BEND4: variants seen among roughly 807,000 people sequenced by gnomAD.
BEND4 encodes BEN domain-containing protein 4.
BEND4 carries 27 observed loss-of-function variants against 54.7 expected under a neutral mutation model. The ratio of observed to expected loss-of-function variants is 0.49; its 90% CI spans 0.36 to 0.68. BEND4 has a LOEUF of 0.68. BEND4 is among the 30% of genes least tolerant of loss of function. The probability of loss-of-function intolerance (pLI) is 0.00; values close to 1 mark genes in which losing one functional copy is unlikely to be tolerated. For synonymous variants in BEND4, 327 were observed against 299.5 expected, an observed-to-expected ratio of 1.09 and a Z score of -0.95; for missense variants, 702 against 697.2, an observed-to-expected ratio of 1.01 and a Z score of -0.08.
chr4:42,134,366 C>T (rs1263992865), intron 3 of BEND4, among the ~76,000 whole-genome samples: 6 of 152,114 alleles, frequency 3.9e-5, no homozygotes, highest in Non-Finnish European at 7.4e-5. Context: ...CTTTACGTGC[C>T]CTATTCACAT....
Position 42,152,184 on chromosome 4 carries a change from CCGCCGGG to C in BEND4, c.-48_-42del. ...CGGTCCCTCGGAGCACGTCCCCTCC[CCGCCGGG>C]CGCCGGGCTCCGAGGGTGCCTCCGC... is the stretch of plus-strand genomic sequence containing the variant. On this transcript the variant is annotated 5_prime_UTR_variant, in exon 2 of 6. Transcript: ENST00000502486. The C allele has an allele frequency of 1.6e-6, 2 of 1,236,592 alleles. No homozygotes were observed. The highest frequency in any genetic ancestry group is 2.0e-6 in the Non-Finnish European group (2 of 982,712). 76.6% of individuals were successfully genotyped at this position (1,236,592 alleles called of 1,614,324 possible).
rs1351095619 is a variant in BEND4, at chr4:42,112,332, AC to A, written c.*5185del. 1.3e-5 allele frequency: 2 copies of A among 152,132 alleles called. No homozygotes were observed. The highest frequency in any genetic ancestry group is 2.9e-5 in the Non-Finnish European group (2 of 68,026). The allele number at this position is 152,132 out of a possible 1,614,324, so 9.4% of individuals were successfully genotyped here. ...TTATCCAAGTAACTGTCACACAATA[AC>A]TCAATAGATAGATATTAACTATAGT... On this transcript the variant is annotated 3_prime_UTR_variant, in exon 6 of 6. Transcript: ENST00000502486.
chr4:42,152,151 C>T lies in BEND4; in HGVS notation c.-8G>A. 8.1e-7 allele frequency: 1 copy of T among 1,242,154 alleles called. No homozygotes were observed. The allele number at this position is 1,242,154 out of a possible 1,614,324, so 76.9% of individuals were successfully genotyped here. On this transcript the variant is annotated 5_prime_UTR_variant, in exon 2 of 6. Transcript: ENST00000502486. The stretch of plus-strand genomic sequence containing the variant: ...CTGCATCTCTTCCTCCATCCGGCGC[C>T]TCGGGGCCGGTCCCTCGGAGCACGT...
At chr4:42,142,934 G>T (rs1200940165) in intron 3 of BEND4, among the ~76,000 whole-genome samples, 1 of 152,134 alleles carries the variant, frequency 6.6e-6, no homozygotes, top group East Asian at 1.9e-4. Flanking sequence ...CATTTCATTT[G>T]TTCAGTACTA....
chr4:42,148,919 T>G (rs1005190938), intron 2 of BEND4, among the ~76,000 whole-genome samples: 1 of 152,194 alleles, frequency 6.6e-6, no homozygotes. Flanking sequence ...TTAAGGAAAA[T>G]TATACTCTTC....
intron 3 of BEND4, among the ~76,000 whole-genome samples, chr4:42,129,885 A>G (rs1408975954): frequency 6.6e-6 from 1 of 152,244 alleles, no homozygotes; most frequent in African/African-American, 2.4e-5. Flanking sequence ...CAATTGCCAC[A>G]AAAGCAAAAA....
intron 4 of BEND4, among the ~76,000 whole-genome samples, chr4:42,123,382 T>C (rs115015913): frequency 2.0e-5 from 3 of 152,246 alleles, no homozygotes; most frequent in African/African-American, 7.2e-5. Context: ...TTATTAAACA[T>C]TGACCTATTG....
chr4:42,140,973 G>C (rs527525706), intron 3 of BEND4, among the ~76,000 whole-genome samples: 3 of 152,308 alleles, frequency 2.0e-5, no homozygotes, highest in East Asian at 1.9e-4. Context: ...ACCCCTATGA[G>C]ATAAACCCAC....
At chr4:42,146,896 G>A (rs1721098948) in intron 2 of BEND4, among the ~76,000 whole-genome samples, 1 of 152,208 alleles carries the variant, frequency 6.6e-6, no homozygotes, top group Non-Finnish European at 1.5e-5. Context: ...TAATCACATT[G>A]ATAAATCACA....
Position 42,152,285 on chromosome 4 carries a change from C to A in BEND4, c.-142G>T. 1.2e-6 allele frequency: 1 copy of A among 827,718 alleles called. No individual in the cohort carries two copies. Among genetic ancestry groups the A allele is most frequent in the South Asian group, 5.9e-5 (1 of 16,992 alleles). 51.3% of individuals were successfully genotyped at this position (827,718 alleles called of 1,614,324 possible). On this transcript the variant is annotated 5_prime_UTR_variant, in exon 2 of 6. Transcript: ENST00000502486. The stretch of plus-strand genomic sequence containing the variant: ...TGTGTGTCTGTGCCGTGGCCGCCGC[C>A]GCCGCCGCCTGTCGCTGAGGCTGGC...
In BEND4 at chr4:42,151,844, C is replaced by T; in HGVS notation, c.300G>A (p.Ser100=). Residue 100 remains serine, a synonymous_variant, in exon 2 of 6, where the codon TCG becomes TCA. Coordinates refer to ENST00000502486, the MANE Select transcript of BEND4 (RefSeq NM_207406.4). ...ATGTGGCGGGCGTGCAGGACGGCGA[C>T]GACGACGAAGCGGCGGCGGCGGCCC... is the stretch of plus-strand genomic sequence containing the variant. The part of the protein sequence containing the change: ...PGRAAAAASS[S]SPSCTPATSQ... 7.5e-7 allele frequency: 1 copy of T among 1,337,072 alleles called. No homozygotes were observed. Among genetic ancestry groups the T allele is most frequent in the Non-Finnish European group, 9.5e-7 (1 of 1,053,712 alleles). The allele number at this position is 1,337,072 out of a possible 1,614,324, so 82.8% of individuals were successfully genotyped here. A position where few individuals can be genotyped will look rare whatever the true frequency, so the allele number is the denominator to read the frequency against.
At chr4:42,129,053 T>G (rs1414899502) in intron 3 of BEND4, among the ~76,000 whole-genome samples, 1 of 152,234 alleles carries the variant, frequency 6.6e-6, no homozygotes, top group African/African-American at 2.4e-5. Flanking sequence ...CCCAAAAGCT[T>G]CTTAAGCTGA....
chr4:42,120,323 C>G (rs374675693), intron 4 of BEND4, 29 bp from the exon 5 acceptor site: 31 of 1,585,690 alleles, frequency 2.0e-5, no homozygotes, highest in Non-Finnish European at 2.7e-5. Flanking sequence ...TTCTCATTAC[C>G]CACCGAGCCA....
chr4:42,139,732 C>G (rs1720820548), intron 3 of BEND4, among the ~76,000 whole-genome samples: 1 of 152,120 alleles, frequency 6.6e-6, no homozygotes, highest in African/African-American at 2.4e-5. Context: ...GCGTTGCGTT[C>G]TCCTTTGTAT....
At chr4:42,123,604 A>G (rs4132888) in intron 4 of BEND4, among the ~76,000 whole-genome samples, 62,149 of 149,946 alleles carry the variant, frequency 0.41, 18,531 homozygotes, top group African/African-American at 0.85. Context: ...GGTGCTTTTT[A>G]TATGACAGTA....
intron 3 of BEND4, among the ~76,000 whole-genome samples, chr4:42,142,446 C>T (rs188177548): frequency 1.7e-4 from 21 of 122,108 alleles, no homozygotes; most frequent in African/African-American, 8.9e-4. Flanking sequence ...ATGGTGAAAC[C>T]CTATCTCTAC....
rs1291355174 is a variant in BEND4 at position 42,152,225 on chromosome 4, C to T, written c.-82G>A. 7.4e-6 allele frequency: 9 copies of T among 1,208,804 alleles called. No individual in the cohort carries two copies. Among genetic ancestry groups the T allele is most frequent in the Non-Finnish European group, 8.3e-6 (8 of 964,936 alleles). 74.9% of individuals were successfully genotyped at this position (1,208,804 alleles called of 1,614,324 possible). A position where few individuals can be genotyped will look rare whatever the true frequency, so the allele number is the denominator to read the frequency against. The stretch of plus-strand genomic sequence containing the variant: ...TCCGAGGGTGCCTCCGCCGCCTGCC[C>T]GCCGGGTCTGCCCTGGTGCGCGCGT... On this transcript the variant is annotated 5_prime_UTR_variant, in exon 2 of 6. Transcript: ENST00000502486.
chr4:42,130,768 G>T (rs1336451981), intron 3 of BEND4, among the ~76,000 whole-genome samples: 1 of 152,182 alleles, frequency 6.6e-6, no homozygotes, highest in Non-Finnish European at 1.5e-5. Flanking sequence ...GCACGTGTAT[G>T]TTCACTGCAG....
In BEND4 at chr4:42,111,161, C is replaced by G. The variant is rs1378992050; in HGVS notation, c.*6357G>C. ...AGCCTAACACTTAAAAAACAACTTACTCTTCTATATAAATTGTTCACAAAA... is the reference window on the plus strand; with the variant it reads ...AGCCTAACACTTAAAAAACAACTTAGTCTTCTATATAAATTGTTCACAAAA... On this transcript the variant is annotated 3_prime_UTR_variant, in exon 6 of 6. Coordinates refer to ENST00000502486, the MANE Select transcript of BEND4 (RefSeq NM_207406.4). The G allele has an allele frequency of 6.6e-6, 1 of 152,206 alleles. No homozygotes were observed. Among genetic ancestry groups the G allele is most frequent in the Non-Finnish European group, 1.5e-5 (1 of 68,030 alleles). 9.4% of individuals were successfully genotyped at this position (152,206 alleles called of 1,614,324 possible).
Sources: gnomAD v4.1 joint callset for allele counts (sites outside exome capture counted in the v4.1 genomes callset) on GRCh38, gnomAD v4.1.1 for gene constraint, MANE v1.5 for transcripts, NCBI Gene and HGNC (gene_info 2026-07-23, HGNC 2026-07-21) for gene names.